The following LIMD1 variants were observed in gnomAD, a reference collection of about 807,000 sequenced individuals.
LIMD1 encodes LIM domain-containing protein 1.
Under a neutral mutation model 58.4 loss-of-function variants are expected in LIMD1, and 23 were observed. The ratio of observed to expected loss-of-function variants is 0.39; its 90% confidence interval spans 0.28 to 0.56. The LOEUF (loss-of-function observed/expected upper bound fraction) is 0.56. LIMD1 is among the 20% of genes least tolerant of loss of function. LIMD1 has a pLI of 0.57. For synonymous variants in LIMD1, 334 were observed against 345.5 expected (o/e 0.97, Z 0.37); for missense variants, 838 against 855.5 (o/e 0.98, Z 0.25).
chr3:45,635,755 A>AAAT (rs1701780210), intron 1 of LIMD1: 2 of 269,032 alleles, frequency 7.4e-6, no homozygotes, highest in Admixed American at 6.7e-5. Flanking sequence ...AAAAAAAAAA[A>AAAT]AAAAAGGGAG....
chr3:45,594,838 CACACACGG>C lies in LIMD1; in HGVS notation c.-41_-34del. On this transcript the variant is annotated 5_prime_UTR_variant, in exon 1 of 8. Coordinates refer to ENST00000273317, the MANE Select transcript of LIMD1 (RefSeq NM_014240.3). Reference sequence around the variant, plus strand: ...ACACACACACACACACACACACACACACACACGGCACCTGGGCTAGGCCCGGACACCTG... The same window carrying C: ...ACACACACACACACACACACACACACCACCTGGGCTAGGCCCGGACACCTG... 7.9e-7 allele frequency: 1 copy of C among 1,272,740 alleles called. No homozygotes were observed. 78.8% of individuals were successfully genotyped at this position (1,272,740 alleles called of 1,614,324 possible).
chr3:45,655,142 A>G (rs1003839717), intron 2 of LIMD1, among the ~76,000 whole-genome samples: 2 of 151,978 alleles, frequency 1.3e-5, no homozygotes, highest in African/African-American at 4.8e-5. Context: ...CTGGTGTCGA[A>G]CTCCTGACCT....
chr3:45,660,862 A>G (rs192997610), intron 2 of LIMD1, among the ~76,000 whole-genome samples: 1 of 152,210 alleles, frequency 6.6e-6, no homozygotes, highest in South Asian at 2.1e-4. Flanking sequence ...TAAAACTTCG[A>G]GTTCTCTGGA....
intron 1 of LIMD1, among the ~76,000 whole-genome samples, chr3:45,609,628 C>T (rs552878214): frequency 1.3e-5 from 2 of 152,178 alleles, no homozygotes; most frequent in African/African-American, 4.8e-5. Context: ...CTCACTTACC[C>T]CTGCCCCAGA....
At chr3:45,620,896 T>G (rs576704506) in intron 1 of LIMD1, among the ~76,000 whole-genome samples, 1 of 152,182 alleles carries the variant, frequency 6.6e-6, no homozygotes, top group Non-Finnish European at 1.5e-5. Flanking sequence ...GTGATCAAGT[T>G]AACACCAGCA....
At chr3:45,650,862 A>G (rs553251419) in intron 2 of LIMD1, among the ~76,000 whole-genome samples, 1 of 151,978 alleles carries the variant, frequency 6.6e-6, no homozygotes, top group Admixed American at 6.5e-5. Flanking sequence ...CAGTAATGGG[A>G]TGGCTGGGTC....
chr3:45,644,362 T>C (rs1701879521), intron 2 of LIMD1, among the ~76,000 whole-genome samples: 1 of 152,228 alleles, frequency 6.6e-6, no homozygotes, highest in Non-Finnish European at 1.5e-5. Flanking sequence ...CCCCTGAAAA[T>C]GCTTACACAT....
chr3:45,622,048 C>G (rs954389380), intron 1 of LIMD1, among the ~76,000 whole-genome samples: 3 of 146,174 alleles, frequency 2.1e-5, no homozygotes, highest in Admixed American at 6.9e-5. Flanking sequence ...GGCGACAGAG[C>G]GAGACTCCAT....
chr3:45,676,874 G>A, intron 7 of LIMD1, 48 bp from the exon 8 acceptor site: 2 of 1,600,698 alleles, frequency 1.2e-6, no homozygotes, highest in Middle Eastern at 1.7e-4. Flanking sequence ...GGTCAGTCTT[G>A]CAGTCTGTTT....
In LIMD1 at chr3:45,681,410, T is replaced by A. The variant is rs1199482630; in HGVS notation, c.*4351T>A. 1 of 152,246 alleles carries A rather than the reference T, an allele frequency of 6.6e-6. No homozygotes were observed. The highest frequency in any genetic ancestry group is 2.4e-5 in the African/African-American group (1 of 41,460). 9.4% of individuals were successfully genotyped at this position (152,246 alleles called of 1,614,324 possible). A position where few individuals can be genotyped will look rare whatever the true frequency, so the allele number is the denominator to read the frequency against. On this transcript the variant is annotated 3_prime_UTR_variant, in exon 8 of 8. Transcript: ENST00000273317. ...ATGAGATTTTACCCTACTTGCAGGC[T>A]AATAAAGTGAGCACACCACATGGGT...
chr3:45,658,923 CT>C (rs1028136717), intron 2 of LIMD1, among the ~76,000 whole-genome samples: 3 of 152,028 alleles, frequency 2.0e-5, no homozygotes, highest in Admixed American at 1.3e-4. Flanking sequence ...CCTTTCCAGT[CT>C]TTTTTTCTTT....
chr3:45,658,535 C>CTTTTTTTTTTTTTTTTTTTTTTTTTTT (rs10572210), intron 2 of LIMD1, among the ~76,000 whole-genome samples: 1 of 44,736 alleles, frequency 2.2e-5, no homozygotes, highest in African/African-American at 6.2e-5. Context: ...CATGCAGATT[C>CTTTTTTTTTTTTTTTTTTTTTTTTTTT]TTTTTTTTTT....
chr3:45,636,403 G>T (rs1701790013), intron 2 of LIMD1, 152 bp downstream of exon 2: 1 of 623,280 alleles, frequency 1.6e-6, no homozygotes, highest in East Asian at 2.9e-5. Flanking sequence ...TTACAGCAGG[G>T]TTTCTTACCA....
Position 45,679,131 on chromosome 3 carries a change from G to T in LIMD1, c.*2072G>T, listed in dbSNP as rs1053215531. 6.6e-6 allele frequency: 1 copy of T among 152,202 alleles called. No homozygotes were observed. The allele number at this position is 152,202 out of a possible 1,614,324, so 9.4% of individuals were successfully genotyped here. ...TGCTCCATGTTCAAGACCAGAAGTA[G>T]CTGGGATTTGTTTGCAAATTGGGTA... On this transcript the variant is annotated 3_prime_UTR_variant, in exon 8 of 8. Transcript: ENST00000273317.
At chr3:45,660,405 CTT>C (rs869301368) in intron 2 of LIMD1, among the ~76,000 whole-genome samples, 859 of 80,008 alleles carry the variant, frequency 0.011, 37 homozygotes, top group Admixed American at 0.1. Flanking sequence ...GGTGGGCTGT[CTT>C]TTTTTTTTTT....
chr3:45,673,625 A>C (rs1697623378), intron 6 of LIMD1, 120 bp downstream of exon 6: 19 of 917,458 alleles, frequency 2.1e-5, no homozygotes, highest in South Asian at 3.9e-5. Flanking sequence ...TAAAAATCTC[A>C]ACTCTGGCCT....
At chr3:45,637,875 C>T (rs1701804329) in intron 2 of LIMD1, among the ~76,000 whole-genome samples, 1 of 152,236 alleles carries the variant, frequency 6.6e-6, no homozygotes, top group Non-Finnish European at 1.5e-5. Context: ...ATGGTTTACA[C>T]ATTGATCAGT....
rs1697702152 is a variant in LIMD1, at chr3:45,678,665, A to C, written c.*1606A>C. 1 of 152,186 alleles carries C rather than the reference A, an allele frequency of 6.6e-6. No individual in the cohort carries two copies. The highest frequency in any genetic ancestry group is 6.5e-5 in the Admixed American group (1 of 15,276). 9.4% of individuals were successfully genotyped at this position (152,186 alleles called of 1,614,324 possible). On this transcript the variant is annotated 3_prime_UTR_variant, in exon 8 of 8. Transcript: ENST00000273317. ...TGTGCACTCTGCCTCCTCACCTTGC[A>C]CCCAGAGCAAGAGGACTGGGTGCTG...
chr3:45,619,896 C>CCTAAAT (rs1458857886), intron 1 of LIMD1, among the ~76,000 whole-genome samples: 2 of 125,752 alleles, frequency 1.6e-5, no homozygotes, highest in African/African-American at 6.1e-5. Flanking sequence ...CTAAATTAAG[C>CCTAAAT]TGAGACCTGA....
Sources: allele counts gnomAD v4.1 joint callset (sites outside exome capture counted in the v4.1 genomes callset), GRCh38; gene constraint gnomAD v4.1.1; transcripts MANE v1.5; gene names NCBI Gene and HGNC (gene_info 2026-07-23, HGNC 2026-07-21).